HNRNPC: variants seen among roughly 807,000 people sequenced by gnomAD.
HNRNPC encodes the protein heterogeneous nuclear ribonucleoprotein C.
A neutral mutation model predicts 33.2 loss-of-function variants in HNRNPC; 3 were observed. That is an observed-to-expected ratio of 0.09 (90% confidence interval 0.04 to 0.23). The LOEUF is 0.23. Among genes scored for constraint, HNRNPC ranks in the 10% least tolerant of loss-of-function variants. HNRNPC has a pLI of 1.00. For missense variants in HNRNPC, 143 were observed against 366.7 expected (o/e 0.39, Z 4.98); for synonymous variants, 121 against 126.7 (o/e 0.96, Z 0.30).
At chr14:21,254,397 T>C (rs777023170) in intron 2 of HNRNPC, 2 of 152,166 alleles carry the variant, frequency 1.3e-5, no homozygotes, top group Non-Finnish European at 2.9e-5. Context: ...ATATATATGC[T>C]GTATGACAGT....
intron 5 of HNRNPC, among the ~76,000 whole-genome samples, chr14:21,230,047 C>G (rs34777963): frequency 6.6e-6 from 1 of 152,126 alleles, no homozygotes. Context: ...CACCCATAAC[C>G]CAGTCCCTAG....
chr14:21,261,851 TC>T (rs1878303228), intron 2 of HNRNPC, among the ~76,000 whole-genome samples: 2 of 152,230 alleles, frequency 1.3e-5, no homozygotes, highest in East Asian at 3.8e-4. Flanking sequence ...TACGGGTTGC[TC>T]AACTTCTCTT....
In HNRNPC at chr14:21,210,585, T is replaced by C. The variant is rs1371188351; in HGVS notation, c.*638A>G. 1.3e-5 allele frequency: 2 copies of C among 152,458 alleles called. No homozygotes were observed. The highest frequency in any genetic ancestry group is 2.9e-5 in the Non-Finnish European group (2 of 67,994). 9.4% of individuals were successfully genotyped at this position (152,458 alleles called of 1,614,324 possible). On this transcript the variant is annotated 3_prime_UTR_variant, in exon 9 of 9. Coordinates refer to ENST00000553300, the MANE Select transcript of HNRNPC (RefSeq NM_004500.4). The stretch of plus-strand genomic sequence containing the variant: ...AAATTCCTGGTTTAATAAGGACTTG[T>C]TTATTTTGAGGAAAAAAGGTCCCAA...
At chr14:21,261,297 G>A (rs973865355) in intron 2 of HNRNPC, among the ~76,000 whole-genome samples, 3 of 152,070 alleles carry the variant, frequency 2.0e-5, no homozygotes, top group African/African-American at 4.8e-5. Flanking sequence ...TAAATTTGTA[G>A]AATTAACAAG....
intron 2 of HNRNPC, among the ~76,000 whole-genome samples, chr14:21,245,401 CAGG>C (rs998465626): frequency 4.6e-5 from 7 of 151,874 alleles, no homozygotes; most frequent in African/African-American, 1.7e-4. Flanking sequence ...GAGGCGGAGG[CAGG>C]AGAAATCGCT....
In HNRNPC at chr14:21,233,801, T is replaced by C. The variant is rs371534696; in HGVS notation, c.241+152A>G. 9.4e-5 allele frequency: 91 copies of C among 969,684 alleles called. No homozygotes were observed. In the African/African-American group the frequency reaches 1.3e-3, roughly 14 times the overall value. 60.1% of individuals were successfully genotyped at this position (969,684 alleles called of 1,614,324 possible). On this transcript the variant is annotated intron_variant, in intron 3 of 8. Transcript: ENST00000553300. Reference sequence around the variant, plus strand: ...AGAATATCCTTTACTTAGCCAATTATAACTATAAGCCTAATGTATTTTTAT... The same window carrying C: ...AGAATATCCTTTACTTAGCCAATTACAACTATAAGCCTAATGTATTTTTAT...
intron 5 of HNRNPC, among the ~76,000 whole-genome samples, chr14:21,218,241 G>C (rs1358646206): frequency 1.3e-5 from 2 of 152,138 alleles, no homozygotes; most frequent in Non-Finnish European, 2.9e-5. Flanking sequence ...TGCAATTACA[G>C]GCATGAGCCA....
chr14:21,243,398 G>A lies in HNRNPC; in HGVS notation c.-36-9169C>T, dbSNP rs116118320. Among the ~76,000 whole-genome samples, 634 of 152,240 alleles carry A rather than the reference G, an allele frequency of 4.2e-3. 3 individuals are homozygous for A. Among genetic ancestry groups the A allele is most frequent in the African/African-American group, 0.014 (581 of 41,532 alleles). ...ACATGGCAGTTGCTATCCGAAGAGT[G>A]GGGCTTACACAGGAATGGTTTATTC... On this transcript the variant is annotated intron_variant, in intron 2 of 8. Transcript: ENST00000553300.
chr14:21,265,964 G>A (rs1299258827), intron 1 of HNRNPC, among the ~76,000 whole-genome samples: 1 of 152,176 alleles, frequency 6.6e-6, no homozygotes, highest in African/African-American at 2.4e-5. Flanking sequence ...GCCCACCCCA[G>A]ACTTACTTAA....
chr14:21,266,974 C>T (rs1325144347), intron 1 of HNRNPC, among the ~76,000 whole-genome samples: 1 of 151,580 alleles, frequency 6.6e-6, no homozygotes, highest in South Asian at 2.1e-4. Flanking sequence ...GCCTGTAATC[C>T]CAGCTACTCG....
rs1225752731 is a variant in HNRNPC at position 21,218,704 on chromosome 14, A to AAAAAAAAAAAC, written c.366-5588_366-5587insGTTTTTTTTTT. ...CTCAAAAAAAAAAAAAAAAAAAAAA[A>AAAAAAAAAAAC]AAAACTGAAATTGAGTCACATGCAG... is the stretch of plus-strand genomic sequence containing the variant. On this transcript the variant is annotated intron_variant, in intron 5 of 8. Coordinates refer to ENST00000553300, the MANE Select transcript of HNRNPC (RefSeq NM_004500.4). 3.7e-5 allele frequency among the ~76,000 whole-genome samples: 5 copies of AAAAAAAAAAAC among 136,790 alleles called. 1 individual carries two copies. The highest frequency in any genetic ancestry group is 1.4e-4 in the African/African-American group (5 of 36,168). The allele number at this position is 136,790 out of a possible 152,430, so 89.7% of individuals were successfully genotyped here. A position where few individuals can be genotyped will look rare whatever the true frequency, so the allele number is the denominator to read the frequency against.
chr14:21,214,919 A>G (rs985775396), intron 5 of HNRNPC, among the ~76,000 whole-genome samples: 3 of 152,218 alleles, frequency 2.0e-5, no homozygotes, highest in Non-Finnish European at 2.9e-5. Context: ...CCTCAGTCCA[A>G]TGGAAATAAA....
intron 1 of HNRNPC, among the ~76,000 whole-genome samples, chr14:21,267,123 A>ACC (rs1555362151): frequency 1.3e-4 from 16 of 122,538 alleles, no homozygotes; most frequent in Non-Finnish European, 2.8e-4. Flanking sequence ...AAAAAAAAAA[A>ACC]AAAACAAAAC....
intron 2 of HNRNPC, among the ~76,000 whole-genome samples, chr14:21,249,599 A>AAAC (rs1566633983): frequency 1.5e-4 from 22 of 148,652 alleles, no homozygotes; most frequent in African/African-American, 5.5e-4. Flanking sequence ...AAAACAAAAA[A>AAAC]AAAAAAAAAA....
chr14:21,250,837 T>G (rs1455627960), intron 2 of HNRNPC, among the ~76,000 whole-genome samples: 2 of 152,326 alleles, frequency 1.3e-5, no homozygotes, highest in East Asian at 3.9e-4. Context: ...AGATTCGTTC[T>G]TTTCAATGTG....
intron 2 of HNRNPC, among the ~76,000 whole-genome samples, chr14:21,250,058 G>A (rs1049938642): frequency 7.9e-5 from 12 of 151,988 alleles, no homozygotes; most frequent in African/African-American, 2.9e-4. Flanking sequence ...TAACAGCATG[G>A]TTAGTATGAC....
At chr14:21,255,743 GT>G (rs1877069130) in intron 2 of HNRNPC, among the ~76,000 whole-genome samples, 1 of 152,172 alleles carries the variant, frequency 6.6e-6, no homozygotes, top group South Asian at 2.1e-4. Context: ...GGCAATCAAT[GT>G]TAATTGTTTG....
chr14:21,256,774 T>C (rs1877292106), intron 2 of HNRNPC, among the ~76,000 whole-genome samples: 1 of 152,014 alleles, frequency 6.6e-6, no homozygotes, highest in East Asian at 1.9e-4. Context: ...CATGCCTGTC[T>C]CTCAAGTAGC....
chr14:21,251,118 G>T (rs186634973), intron 2 of HNRNPC, among the ~76,000 whole-genome samples: 9 of 151,748 alleles, frequency 5.9e-5, no homozygotes, highest in Admixed American at 5.9e-4. Context: ...AAAATTAGCC[G>T]GGCATGGTGG....
Sources: allele counts gnomAD v4.1 joint callset (sites outside exome capture counted in the v4.1 genomes callset), GRCh38; gene constraint gnomAD v4.1.1; transcripts MANE v1.5; gene names NCBI Gene and HGNC (gene_info 2026-07-23, HGNC 2026-07-21).